SLC44A5: variants seen among roughly 807,000 people sequenced by gnomAD.
SLC44A5 encodes solute carrier family 44 member 5, also known as choline transporter-like protein 5.
SLC44A5 carries 57 observed loss-of-function variants against 101.8 expected under a neutral mutation model. That is an observed-to-expected ratio of 0.56 (90% confidence interval 0.45 to 0.70). The LOEUF (loss-of-function observed/expected upper bound fraction) is 0.70. Ranked by LOEUF, SLC44A5 falls within the 30% of genes least tolerant of loss-of-function variation. SLC44A5 has a pLI of 0.00. For synonymous variants in SLC44A5, 281 were observed against 290.9 expected (o/e 0.97, Z 0.35); for missense variants, 737 against 853.1 (o/e 0.86, Z 1.70).
intron 3 of SLC44A5, 51 bp downstream of exon 3, chr1:75,396,532 A>T: frequency 7.2e-7 from 1 of 1,393,992 alleles, no homozygotes; most frequent in Non-Finnish European, 1.0e-6. Context: ...TTCTCAATGG[A>T]TAGACTGTCA....
intron 22 of SLC44A5, among the ~76,000 whole-genome samples, chr1:75,212,595 G>A (rs1424799760): frequency 6.6e-6 from 1 of 151,958 alleles, no homozygotes; most frequent in Non-Finnish European, 1.5e-5. Flanking sequence ...GTCTATAATT[G>A]ATGACCTGCT....
intron 5 of SLC44A5, among the ~76,000 whole-genome samples, chr1:75,277,183 T>TA (rs1216000485): frequency 6.6e-6 from 1 of 152,108 alleles, no homozygotes; most frequent in African/African-American, 2.4e-5. Flanking sequence ...AGAAAGACTT[T>TA]AAAAAATAAT....
At chr1:75,321,427 C>T (rs1656133903) in intron 4 of SLC44A5, among the ~76,000 whole-genome samples, 1 of 151,358 alleles carries the variant, frequency 6.6e-6, no homozygotes, top group African/African-American at 2.4e-5. Flanking sequence ...AGATGAATGC[C>T]TTCTTGCTGT....
intron 2 of SLC44A5, among the ~76,000 whole-genome samples, chr1:75,521,102 T>G (rs1252119225): frequency 6.6e-6 from 1 of 152,174 alleles, no homozygotes; most frequent in Admixed American, 6.5e-5. Context: ...TAAACTCTGT[T>G]CAACCTTACA....
chr1:75,678,176 G>A, the SLC44A5 span, among the ~76,000 whole-genome samples: 1 of 152,276 alleles, frequency 6.6e-6, no homozygotes, highest in African/African-American at 2.4e-5. Context: ...GCTGAAGCGA[G>A]GCTGGGGGAG....
At chr1:75,232,143 T>C (rs1264163665) in intron 12 of SLC44A5, among the ~76,000 whole-genome samples, 1 of 152,144 alleles carries the variant, frequency 6.6e-6, no homozygotes, top group African/African-American at 2.4e-5. Context: ...TCCTACACCA[T>C]TAATTTTTGG....
At chr1:75,477,028 C>G (rs1667459226) in intron 2 of SLC44A5, among the ~76,000 whole-genome samples, 2 of 152,240 alleles carry the variant, frequency 1.3e-5, no homozygotes, top group Admixed American at 1.3e-4. Context: ...TGACACCTCA[C>G]AGGACCCGGT....
intron 4 of SLC44A5, among the ~76,000 whole-genome samples, chr1:75,312,829 A>G (rs773191234): frequency 6.6e-6 from 1 of 152,068 alleles, no homozygotes; most frequent in African/African-American, 2.4e-5. Flanking sequence ...GCAACATTTC[A>G]TATGTTAAAG....
At chr1:75,410,449 A>G (rs1006174714) in intron 2 of SLC44A5, among the ~76,000 whole-genome samples, 6 of 152,162 alleles carry the variant, frequency 3.9e-5, no homozygotes, top group Non-Finnish European at 8.8e-5. Context: ...TTAAGGGTTC[A>G]TTGAATGAAG....
the SLC44A5 span, among the ~76,000 whole-genome samples, chr1:75,703,661 T>A: frequency 6.8e-6 from 1 of 146,402 alleles, no homozygotes. Flanking sequence ...TAAAGTATAA[T>A]AAAAAAAAAA....
At chr1:75,247,508 G>T (rs541866618) in intron 7 of SLC44A5, among the ~76,000 whole-genome samples, 10 of 152,228 alleles carry the variant, frequency 6.6e-5, no homozygotes, top group Admixed American at 3.9e-4. Context: ...AAGTCAGCAA[G>T]TAGATGGTGT....
the SLC44A5 span, among the ~76,000 whole-genome samples, chr1:75,714,758 C>T: frequency 6.7e-6 from 1 of 148,926 alleles, no homozygotes; most frequent in East Asian, 1.9e-4. Flanking sequence ...CTCACTGCAA[C>T]CTCCACCTCC....
chr1:75,541,529 C>A lies in SLC44A5; in HGVS notation c.-69-13G>T. On this transcript the variant is annotated splice_polypyrimidine_tract_variant and intron_variant, in intron 1 of 23. Coordinates refer to ENST00000370859, the MANE Select transcript of SLC44A5 (RefSeq NM_001130058.2). ...CTTAGAAAAGAGTCTGTGATAAAAA[C>A]AAGTATGAAGATAGTTACCTAAAGC... 2 of 1,584,446 alleles carry A rather than the reference C, an allele frequency of 1.3e-6. No individual in the cohort carries two copies. Among genetic ancestry groups the A allele is most frequent in the Non-Finnish European group, 1.7e-6 (2 of 1,165,170 alleles).
intron 2 of SLC44A5, among the ~76,000 whole-genome samples, chr1:75,426,355 G>T (rs1409171172): frequency 1.3e-5 from 2 of 152,156 alleles, no homozygotes; most frequent in Non-Finnish European, 1.5e-5. Flanking sequence ...ATTAGAAATG[G>T]TTATTGCTGA....
In SLC44A5 at chr1:75,587,533, A is replaced by T. The variant is rs189647662; in HGVS notation, c.-70+23507T>A. On this transcript the variant is annotated intron_variant, in intron 1 of 23. Transcript: ENST00000370859. ...ATCACTGCTTTCTCATGTTACCTCC[A>T]TTTCTGAGCCTAGACAAGATCACCT... is the stretch of plus-strand genomic sequence containing the variant. 1.1e-4 allele frequency among the ~76,000 whole-genome samples: 17 copies of T among 152,186 alleles called. No homozygotes were observed. The East Asian group carries it at 3.3e-3, about 29-fold the overall frequency.
chr1:75,470,249 C>T (rs1420342685), intron 2 of SLC44A5, among the ~76,000 whole-genome samples: 1 of 152,088 alleles, frequency 6.6e-6, no homozygotes. Flanking sequence ...TTCAAGAACC[C>T]TAGGGCTATA....
chr1:75,704,162 A>T, the SLC44A5 span, among the ~76,000 whole-genome samples: 1 of 152,206 alleles, frequency 6.6e-6, no homozygotes, highest in Non-Finnish European at 1.5e-5. Context: ...CAGCCCTAAA[A>T]GCTCTTTCTG....
intron 4 of SLC44A5, among the ~76,000 whole-genome samples, chr1:75,316,587 A>G (rs1353903326): frequency 3.3e-5 from 5 of 152,222 alleles, no homozygotes; most frequent in African/African-American, 1.2e-4. Context: ...AATTAACTCT[A>G]TATCTTTACT....
At chr1:75,676,717 G>C in the SLC44A5 span, among the ~76,000 whole-genome samples, 34 of 152,234 alleles carry the variant, frequency 2.2e-4, no homozygotes, top group Middle Eastern at 3.4e-3. Context: ...TAAAGGTATA[G>C]TAACAAAACT....
Sources: allele counts gnomAD v4.1 joint callset (sites outside exome capture counted in the v4.1 genomes callset), GRCh38; gene constraint gnomAD v4.1.1; transcripts MANE v1.5; gene names NCBI Gene and HGNC (gene_info 2026-07-23, HGNC 2026-07-21).